The following METTL22 variants were observed in gnomAD, a reference collection of about 807,000 sequenced individuals.
METTL22 encodes methyltransferase-like protein 22.
Under a neutral mutation model 48.4 loss-of-function variants are expected in METTL22, and 51 were observed. The ratio of observed to expected loss-of-function variants is 1.05; its 90% CI spans 0.84 to 1.33. The LOEUF (loss-of-function observed/expected upper bound fraction) is 1.33. Among genes scored for constraint, METTL22 ranks in the 40% most tolerant of loss-of-function variants. The pLI, the probability that METTL22 is intolerant of heterozygous loss-of-function variation, is 0.00. For synonymous variants in METTL22, 255 were observed against 214.1 expected, an observed-to-expected ratio of 1.19 and a Z score of -1.67; for missense variants, 678 against 526.9, an observed-to-expected ratio of 1.29 and a Z score of -2.81.
chr16:8,653,966 G>A (rs969025388), downstream of METTL22, among the ~76,000 whole-genome samples: 2 of 152,114 alleles, frequency 1.3e-5, no homozygotes, highest in African/African-American at 4.8e-5. Context: ...TGAAATTGCA[G>A]TGACCCATGA....
At chr16:8,660,837 A>C in the METTL22 span, among the ~76,000 whole-genome samples, 1 of 1,174 alleles carries the variant, frequency 8.5e-4, no homozygotes, top group African/African-American at 2.0e-3. Context: ...GAGGGGGAGG[A>C]GGGGGAGGAG....
rs2056517859 is a variant in METTL22, at chr16:8,639,224, C to G, written c.772+62C>G. On this transcript the variant is annotated intron_variant, in intron 6 of 10. Coordinates refer to ENST00000381920, the MANE Select transcript of METTL22 (RefSeq NM_024109.4). ...TTCTCTGTTTAGCAGATAGGACAGA[C>G]ACCCAAGACCATGACATTGGGAGGC... is the stretch of plus-strand genomic sequence containing the variant. 2.0e-6 allele frequency: 3 copies of G among 1,508,038 alleles called. No homozygotes were observed. The South Asian group carries it at 3.4e-5, about 17-fold the overall frequency. The allele number at this position is 1,508,038 out of a possible 1,614,324, so 93.4% of individuals were successfully genotyped here.
At position 8,635,304 on chromosome 16, in the gene METTL22, A is replaced by T. The variant is rs2056391208; in HGVS notation, c.692A>T (p.Tyr231Phe). The T allele has an allele frequency of 1.9e-6, 3 of 1,573,642 alleles. No individual in the cohort carries two copies. Among genetic ancestry groups the T allele is most frequent in the African/African-American group, 1.3e-5 (1 of 74,288 alleles). The change falls in exon 5 of 11, where the codon TAT becomes TTT. Residue 231 changes from tyrosine (Y) to phenylalanine (F), a missense_variant. Coordinates refer to ENST00000381920, the MANE Select transcript of METTL22 (RefSeq NM_024109.4). The part of the protein sequence containing the change: ...IIAATMARTV[Y>F]CTDVGADLLS... Reference sequence around the variant, plus strand: ...GCAGCCACCATGGCACGGACCGTTTATTGTACAGGTAATGAGGTGACATCT... The same window carrying T: ...GCAGCCACCATGGCACGGACCGTTTTTTGTACAGGTAATGAGGTGACATCT...
At chr16:8,642,717 G>A in intron 9 of METTL22, 152 bp downstream of exon 9, 1 of 736,862 alleles carries the variant, frequency 1.4e-6, no homozygotes. Flanking sequence ...CATCCTTTGT[G>A]TACGTTACTG....
In METTL22 at chr16:8,628,968, G is replaced by A. The variant is rs2056159761; in HGVS notation, c.372G>A (p.Val124=). Residue 124 remains valine (V), a synonymous_variant, in exon 3 of 11, where the codon GTG becomes GTA. Coordinates refer to ENST00000381920, the MANE Select transcript of METTL22 (RefSeq NM_024109.4). ...TGGATGAGGATGGGGATTTGGACGTGGTGAGAAGACCACGAGCCGCCTCTG... is the reference window on the plus strand; with the variant it reads ...TGGATGAGGATGGGGATTTGGACGTAGTGAGAAGACCACGAGCCGCCTCTG... ...AQLDEDGDLD[V]VRRPRAASDS... is the part of the protein sequence containing the mutation. The A allele has an allele frequency of 6.2e-7, 1 of 1,614,006 alleles. No homozygotes were observed. The highest frequency in any genetic ancestry group is 8.5e-7 in the Non-Finnish European group (1 of 1,180,058).
chr16:8,625,529 C>A lies in METTL22; in HGVS notation c.-137C>A, dbSNP rs1596330425. On this transcript the variant is annotated 5_prime_UTR_variant, in exon 2 of 11. Coordinates refer to ENST00000381920, the MANE Select transcript of METTL22 (RefSeq NM_024109.4). ...TCTTCCCTGGCCAAGTCTCTGAGAT[C>A]TTCTCCCAGGGCGATGCAAAGCTAC... The A allele has an allele frequency of 1.5e-5, 10 of 658,958 alleles. No homozygotes were observed. The East Asian group carries it at 2.9e-4, about 19-fold the overall frequency. The allele number at this position is 658,958 out of a possible 1,614,324, so 40.8% of individuals were successfully genotyped here. A position where few individuals can be genotyped will look rare whatever the true frequency, so the allele number is the denominator to read the frequency against.
intron 6 of METTL22, among the ~76,000 whole-genome samples, 158 bp from the exon 7 acceptor site, chr16:8,640,973 G>GCTGGCTGT (rs71152912): frequency 0.48 from 18,909 of 39,536 alleles, 6,454 homozygotes; most frequent in East Asian, 0.62. Context: ...TGGCTGGCTG[G>GCTGGCTGT]CTGGCTGGCT....
intron 3 of METTL22, among the ~76,000 whole-genome samples, chr16:8,630,088 C>T (rs1290311457): frequency 6.6e-6 from 1 of 152,122 alleles, no homozygotes; most frequent in Non-Finnish European, 1.5e-5. Context: ...CCGATGGTGT[C>T]TTGAGTTCCC....
At chr16:8,640,440 T>G (rs1173461458) in intron 6 of METTL22, among the ~76,000 whole-genome samples, 2 of 151,276 alleles carry the variant, frequency 1.3e-5, no homozygotes, top group Admixed American at 1.3e-4. Flanking sequence ...TTTCCCTATG[T>G]CTGGCACCGT....
At chr16:8,662,948 C>T in the METTL22 span, among the ~76,000 whole-genome samples, 2 of 144,532 alleles carry the variant, frequency 1.4e-5, 1 homozygote, top group Non-Finnish European at 3.0e-5. Context: ...TGGCTCACAC[C>T]TGTAACCCCA....
Position 8,628,908 on chromosome 16 carries a change from T to C in METTL22, c.312T>C (p.Thr104=), listed in dbSNP as rs370215776. The C allele has an allele frequency of 1.2e-6, 2 of 1,613,818 alleles. No individual in the cohort carries two copies. The highest frequency in any genetic ancestry group is 1.7e-6 in the Non-Finnish European group (2 of 1,179,996). ...AGGGTTTCTCCCTCCAGGCCGGGAC[T>C]GACACCACTGGCCAGGAAGTGGCTG... The part of the protein sequence containing the change: ...GNEGFSLQAG[T]DTTGQEVAEA... Residue 104 remains threonine (T), a synonymous_variant, in exon 3 of 11, where the codon ACT becomes ACC. Coordinates refer to ENST00000381920, the MANE Select transcript of METTL22 (RefSeq NM_024109.4).
rs369518409 is a variant in METTL22, at chr16:8,635,324, A to C, written c.700+12A>C. On this transcript the variant is annotated intron_variant, in intron 5 of 10. Transcript: ENST00000381920. The stretch of plus-strand genomic sequence containing the variant: ...CGTTTATTGTACAGGTAATGAGGTG[A>C]CATCTCAGGCTGCAGGGAAGTAGTC... 50 of 1,532,100 alleles carry C rather than the reference A, an allele frequency of 3.3e-5. No homozygotes were observed. Among genetic ancestry groups the C allele is most frequent in the African/African-American group, 6.8e-5 (5 of 73,036 alleles). The allele number at this position is 1,532,100 out of a possible 1,614,324, so 94.9% of individuals were successfully genotyped here. A position where few individuals can be genotyped will look rare whatever the true frequency, so the allele number is the denominator to read the frequency against.
intron 3 of METTL22, among the ~76,000 whole-genome samples, chr16:8,630,330 G>A (rs764026052): frequency 3.9e-5 from 6 of 152,186 alleles, no homozygotes; most frequent in Non-Finnish European, 7.3e-5. Flanking sequence ...TGCCCTCATG[G>A]CCTCTGCAGA....
At chr16:8,640,745 G>A (rs1170416311) in intron 6 of METTL22, among the ~76,000 whole-genome samples, 2 of 43,576 alleles carry the variant, frequency 4.6e-5, no homozygotes, top group Non-Finnish European at 9.1e-5. Flanking sequence ...TGGATGGATC[G>A]ATGGATGGCT....
chr16:8,642,064 A>C, intron 7 of METTL22, 63 bp from the exon 8 acceptor site: 1 of 1,307,326 alleles, frequency 7.6e-7, no homozygotes, highest in South Asian at 1.2e-5. Context: ...GGTCAGTCCC[A>C]GTGAGAGTTG....
intron 3 of METTL22, among the ~76,000 whole-genome samples, chr16:8,630,652 C>G (rs534744843): frequency 7.1e-4 from 108 of 152,248 alleles, no homozygotes; most frequent in African/African-American, 2.6e-3. Context: ...AGTGAATGTT[C>G]TGGGAATTTA....
At chr16:8,641,942 A>G (rs2056631492) in intron 7 of METTL22, 185 bp from the exon 8 acceptor site, 5 of 625,020 alleles carry the variant, frequency 8.0e-6, no homozygotes, top group African/African-American at 1.8e-5. Context: ...CTCTTCCACC[A>G]TGACTCTGCA....
the METTL22 span, among the ~76,000 whole-genome samples, chr16:8,656,323 T>C: frequency 6.6e-6 from 1 of 152,174 alleles, no homozygotes; most frequent in Non-Finnish European, 1.5e-5. Flanking sequence ...CTTCCAGGGA[T>C]TAGTCCTTTC....
the METTL22 span, among the ~76,000 whole-genome samples, chr16:8,666,365 G>A: frequency 1.2e-4 from 19 of 152,144 alleles, no homozygotes; most frequent in African/African-American, 4.3e-4. Flanking sequence ...CCTTATTATC[G>A]ACCCACCAAT....
Sources: allele counts gnomAD v4.1 joint callset (sites outside exome capture counted in the v4.1 genomes callset), GRCh38; gene constraint gnomAD v4.1.1; transcripts MANE v1.5; gene names NCBI Gene and HGNC (gene_info 2026-07-23, HGNC 2026-07-21).